The following TPD52 variants were observed in gnomAD, a reference collection of about 807,000 sequenced individuals.
TPD52 encodes prostate and colon associated protein.
TPD52 carries 17 observed loss-of-function variants against 31.3 expected under a neutral mutation model. The observed-to-expected ratio is 0.54, with a 90% CI of 0.37 to 0.82. The LOEUF (loss-of-function observed/expected upper bound fraction) is 0.82, where lower values mean the gene tolerates loss of function less well. TPD52 is among the 40% of genes least tolerant of loss of function. TPD52 has a pLI of 0.00. For missense variants in TPD52, 212 were observed against 240.1 expected (o/e 0.88, Z 0.77); for synonymous variants, 83 against 89.6 (o/e 0.93, Z 0.42).
rs1816420664 is a variant in TPD52, at chr8:80,093,155, G to A, written c.20-28562C>T. 2.0e-5 allele frequency among the ~76,000 whole-genome samples: 3 copies of A among 152,198 alleles called. No homozygotes were observed. In the South Asian group the frequency reaches 6.2e-4, roughly 32 times the overall value. Reference sequence around the variant, plus strand: ...TGCACATGCTTGGTCTTTTCAACGGGATAATTATTTCGACTCTGGAATAAT... The same window carrying A: ...TGCACATGCTTGGTCTTTTCAACGGAATAATTATTTCGACTCTGGAATAAT... On this transcript the variant is annotated intron_variant, in intron 1 of 7. Coordinates refer to ENST00000518937, the MANE Select transcript of TPD52 (RefSeq NM_001025253.3).
At chr8:80,077,051 C>A (rs756218735) in intron 1 of TPD52, among the ~76,000 whole-genome samples, 2 of 151,782 alleles carry the variant, frequency 1.3e-5, no homozygotes, top group Non-Finnish European at 2.9e-5. Context: ...CCGAGGCAGG[C>A]GGATCACGAG....
intron 1 of TPD52, among the ~76,000 whole-genome samples, chr8:80,096,317 C>CACAT (rs1491043601): frequency 6.8e-6 from 1 of 147,480 alleles, no homozygotes; most frequent in Non-Finnish European, 1.5e-5. Context: ...CACACACACA[C>CACAT]AAACTTCTCC....
chr8:80,101,426 C>G, intron 1 of TPD52, among the ~76,000 whole-genome samples: 1 of 131,740 alleles, frequency 7.6e-6, no homozygotes, highest in African/African-American at 2.9e-5. Flanking sequence ...CCAGCCTGGG[C>G]GACAGAGTGA....
intron 1 of TPD52, among the ~76,000 whole-genome samples, chr8:80,146,638 G>A (rs1432304785): frequency 6.6e-6 from 1 of 152,188 alleles, no homozygotes; most frequent in African/African-American, 2.4e-5. Context: ...CTGCATAAAG[G>A]AGGAATAAAC....
At chr8:80,138,551 C>T (rs1467387932) in intron 1 of TPD52, among the ~76,000 whole-genome samples, 1 of 152,126 alleles carries the variant, frequency 6.6e-6, no homozygotes, top group Non-Finnish European at 1.5e-5. Context: ...ACATAGTCCT[C>T]ATAGAGCTTT....
intron 1 of TPD52, among the ~76,000 whole-genome samples, chr8:80,153,717 T>G (rs1413469789): frequency 6.6e-6 from 1 of 152,154 alleles, no homozygotes; most frequent in Non-Finnish European, 1.5e-5. Context: ...GGTGATAAAC[T>G]CTATGATCTT....
chr8:80,110,136 G>T (rs1463780058), intron 1 of TPD52, among the ~76,000 whole-genome samples: 2 of 152,154 alleles, frequency 1.3e-5, no homozygotes, highest in African/African-American at 4.8e-5. Flanking sequence ...CCGAATTTAT[G>T]ATTTGTTCTT....
At position 80,037,418 on chromosome 8, in the gene TPD52, A is replaced by G. The variant is rs1347672328; in HGVS notation, c.*698T>C. 6.6e-6 allele frequency: 1 copy of G among 152,230 alleles called. No homozygotes were observed. 9.4% of individuals were successfully genotyped at this position (152,230 alleles called of 1,614,324 possible). ...TGATATAAGTGGTATAATAAACAAT[A>G]CACTGAAATGGTTACTGTCACAAAC... On this transcript the variant is annotated 3_prime_UTR_variant, in exon 8 of 8. Transcript: ENST00000518937.
At chr8:80,088,303 A>G (rs1356051527) in intron 1 of TPD52, among the ~76,000 whole-genome samples, 1 of 152,220 alleles carries the variant, frequency 6.6e-6, no homozygotes, top group African/African-American at 2.4e-5. Flanking sequence ...AAGGTGATGG[A>G]AGAACTCGAA....
intron 6 of TPD52, 77 bp downstream of exon 6, chr8:80,044,090 G>A: frequency 1.6e-6 from 2 of 1,276,562 alleles, no homozygotes; most frequent in Non-Finnish European, 2.2e-6. Flanking sequence ...CCCTAATTCA[G>A]AACAGTTCAA....
intron 1 of TPD52, among the ~76,000 whole-genome samples, chr8:80,093,284 G>A (rs1816431370): frequency 6.6e-6 from 1 of 152,166 alleles, no homozygotes; most frequent in African/African-American, 2.4e-5. Context: ...GAGTACAGTG[G>A]TCTCTATGGT....
chr8:80,142,795 A>G (rs1563657658), intron 1 of TPD52, among the ~76,000 whole-genome samples: 1 of 152,194 alleles, frequency 6.6e-6, no homozygotes, highest in African/African-American at 2.4e-5. Context: ...AAAAGAGAAT[A>G]GGGAAGGAGG....
intron 5 of TPD52, among the ~76,000 whole-genome samples, chr8:80,047,661 T>G (rs774896755): frequency 1.3e-5 from 2 of 152,230 alleles, no homozygotes; most frequent in Non-Finnish European, 2.9e-5. Flanking sequence ...CAGAGAAAAG[T>G]TCATTAAAGT....
intron 1 of TPD52, among the ~76,000 whole-genome samples, chr8:80,123,439 T>C (rs185283320): frequency 6.6e-6 from 1 of 152,294 alleles, no homozygotes; most frequent in East Asian, 1.9e-4. Context: ...AAGAAAAATA[T>C]ATTCCAGCCG....
At chr8:80,085,558 G>A (rs1053524359) in intron 1 of TPD52, among the ~76,000 whole-genome samples, 2 of 152,148 alleles carry the variant, frequency 1.3e-5, no homozygotes, top group African/African-American at 4.8e-5. Flanking sequence ...TGATACAGCA[G>A]CTGGCTGGAA....
chr8:80,155,622 G>A (rs762581819), intron 1 of TPD52, among the ~76,000 whole-genome samples: 21 of 152,150 alleles, frequency 1.4e-4, no homozygotes, highest in Non-Finnish European at 2.9e-5. Context: ...GGTGGCTCAC[G>A]CCTGTAATCT....
rs1379475067 is a variant in TPD52 at position 80,036,869 on chromosome 8, A to G, written c.*1247T>C. 6.6e-6 allele frequency: 1 copy of G among 152,408 alleles called. No homozygotes were observed. The highest frequency in any genetic ancestry group is 1.5e-5 in the Non-Finnish European group (1 of 68,024). 9.4% of individuals were successfully genotyped at this position (152,408 alleles called of 1,614,324 possible). A position where few individuals can be genotyped will look rare whatever the true frequency, so the allele number is the denominator to read the frequency against. On this transcript the variant is annotated 3_prime_UTR_variant, in exon 8 of 8. Transcript: ENST00000518937. ...TCACAATTTAATAAATAACAAATAC[A>G]ACATTGTAGGCCATAATCATATACA...
rs1176400539 is a variant in TPD52, at chr8:80,036,331, G to A, written c.*1785C>T. ...ATTTTAAGAAGTAGACTAGTTCATA[G>A]AAAAAATAATTTAACACTTGAGTAA... On this transcript the variant is annotated 3_prime_UTR_variant, in exon 8 of 8. Transcript: ENST00000518937. The A allele has an allele frequency of 6.6e-6, 1 of 152,486 alleles. No individual in the cohort carries two copies. The highest frequency in any genetic ancestry group is 1.5e-5 in the Non-Finnish European group (1 of 68,010). The allele number at this position is 152,486 out of a possible 1,614,324, so 9.4% of individuals were successfully genotyped here.
At chr8:80,034,389 C>A (rs929065236), downstream of TPD52, among the ~76,000 whole-genome samples, 1 of 152,108 alleles carries the variant, frequency 6.6e-6, no homozygotes, top group Non-Finnish European at 1.5e-5. Flanking sequence ...CACCTATTGC[C>A]GGCCCCTGCC....
Sources: allele counts gnomAD v4.1 joint callset (sites outside exome capture counted in the v4.1 genomes callset), GRCh38; gene constraint gnomAD v4.1.1; transcripts MANE v1.5; gene names NCBI Gene and HGNC (gene_info 2026-07-23, HGNC 2026-07-21).